Variants in EPHA7 observed in about 807,000 individuals in gnomAD.
The protein encoded by EPHA7 is ephrin type-A receptor 7.
A neutral mutation model predicts 112.6 loss-of-function variants in EPHA7; 25 were observed. That is an observed-to-expected ratio of 0.22 (90% confidence interval 0.16 to 0.31). The LOEUF is 0.31. Ranked by LOEUF, EPHA7 falls within the 10% of genes least tolerant of loss-of-function variation. EPHA7 has a pLI of 1.00. For synonymous variants in EPHA7, 437 were observed against 406.5 expected (o/e 1.07, Z -0.90); for missense variants, 962 against 1,212.6 (o/e 0.79, Z 3.07).
intron 9 of EPHA7, among the ~76,000 whole-genome samples, chr6:93,261,301 G>T (rs757956990): frequency 2.6e-5 from 4 of 151,478 alleles, no homozygotes; most frequent in African/African-American, 9.7e-5. Context: ...TGCTCTAAAA[G>T]CTAGTTAAAT....
chr6:93,312,677 A>G (rs1449848832), intron 5 of EPHA7, among the ~76,000 whole-genome samples: 2 of 152,178 alleles, frequency 1.3e-5, no homozygotes, highest in African/African-American at 2.4e-5. Flanking sequence ...TGAATTCACA[A>G]CTTGGCTAAT....
chr6:93,323,365 T>G (rs1774170918), intron 5 of EPHA7, among the ~76,000 whole-genome samples: 1 of 151,468 alleles, frequency 6.6e-6, no homozygotes, highest in Non-Finnish European at 1.5e-5. Flanking sequence ...ACGAATTCTT[T>G]CCTTCTTTCT....
At chr6:93,246,568 T>G (rs975873984) in intron 15 of EPHA7, among the ~76,000 whole-genome samples, 5 of 152,178 alleles carry the variant, frequency 3.3e-5, no homozygotes, top group African/African-American at 1.2e-4. Context: ...TAGTGATACT[T>G]GTAAGTTTAA....
chr6:93,350,103 G>A (rs915456074), intron 5 of EPHA7, among the ~76,000 whole-genome samples: 4 of 151,916 alleles, frequency 2.6e-5, no homozygotes, highest in South Asian at 2.1e-4. Flanking sequence ...CAGGAAAGTC[G>A]GTCAGTTTAA....
rs1417538286 is a variant in EPHA7 at position 93,411,033 on chromosome 6, T to C, written c.300A>G (p.Val100=). 1.2e-6 allele frequency: 2 copies of C among 1,613,986 alleles called. No homozygotes were observed. Among genetic ancestry groups the C allele is most frequent in the African/African-American group, 1.3e-5 (1 of 74,928 alleles). ...AATCCCTCAGGGTGAATTTCAATTCTACAAAAATCCTTTGTGCATTGCCTT... is the reference window on the plus strand; with the variant it reads ...AATCCCTCAGGGTGAATTTCAATTCCACAAAAATCCTTTGTGCATTGCCTT... ...ISKGNAQRIF[V]ELKFTLRDCN... Residue 100 remains valine (V), a synonymous_variant, in exon 3 of 17, where the codon GTA becomes GTG. Transcript: ENST00000369303.
chr6:93,255,204 C>T (rs7349902), intron 13 of EPHA7, among the ~76,000 whole-genome samples: 67,031 of 151,682 alleles, frequency 0.44, 15,724 homozygotes, highest in South Asian at 0.7. Flanking sequence ...AAAAATTATC[C>T]GTGCGTGGTG....
intron 3 of EPHA7, among the ~76,000 whole-genome samples, chr6:93,380,281 T>C (rs190124779): frequency 2.2e-3 from 330 of 152,026 alleles, no homozygotes; most frequent in Non-Finnish European, 3.8e-3. Flanking sequence ...GAAACGAAAA[T>C]ATAGTTTAAC....
chr6:93,347,939 T>G (rs114394309), intron 5 of EPHA7, among the ~76,000 whole-genome samples: 1 of 151,718 alleles, frequency 6.6e-6, no homozygotes, highest in African/African-American at 2.4e-5. Flanking sequence ...AATTCAAAGA[T>G]CAAATAATTT....
At chr6:93,402,410 G>T (rs1323649483) in intron 3 of EPHA7, among the ~76,000 whole-genome samples, 1 of 151,936 alleles carries the variant, frequency 6.6e-6, no homozygotes, top group Non-Finnish European at 1.5e-5. Context: ...AATTATCTTT[G>T]CAAGGTACAC....
chr6:93,330,925 A>G (rs183034592), intron 5 of EPHA7, among the ~76,000 whole-genome samples: 2 of 151,502 alleles, frequency 1.3e-5, no homozygotes, highest in South Asian at 2.1e-4. Flanking sequence ...TCCTTACTCT[A>G]TAACTGATCT....
At chr6:93,418,055 A>G (rs770377721) in intron 1 of EPHA7, among the ~76,000 whole-genome samples, 5 of 152,142 alleles carry the variant, frequency 3.3e-5, no homozygotes, top group Non-Finnish European at 5.9e-5. Context: ...CCTAAATTTC[A>G]TAACAGATTC....
chr6:93,254,577 C>T (rs1770353816), intron 14 of EPHA7, 70 bp downstream of exon 14: 16 of 1,314,956 alleles, frequency 1.2e-5, no homozygotes, highest in Non-Finnish European at 1.6e-5. Context: ...TGAGCCTTTA[C>T]CTACATGTTC....
chr6:93,412,551 T>A (rs1441092201), intron 2 of EPHA7, among the ~76,000 whole-genome samples: 2 of 152,076 alleles, frequency 1.3e-5, no homozygotes, highest in African/African-American at 4.8e-5. Context: ...CATTTTAATG[T>A]TCAGCTTTTA....
intron 9 of EPHA7, chr6:93,260,408 G>T (rs345728): frequency 0.01 from 4,926 of 473,402 alleles, 219 homozygotes; most frequent in African/African-American, 0.098. Context: ...AAATCTATTT[G>T]GTAAAAGACA....
intron 5 of EPHA7, among the ~76,000 whole-genome samples, chr6:93,348,909 GA>G (rs1775549132): frequency 6.7e-6 from 1 of 149,052 alleles, no homozygotes. Context: ...AGCCTAAGAG[GA>G]AAGATAAACT....
rs533215280 is a variant in EPHA7, at chr6:93,241,747, G to C, written c.*1679C>G. The C allele has an allele frequency of 1.0e-4, 23 of 221,732 alleles. No individual in the cohort carries two copies. The South Asian group carries it at 4.2e-3, about 41-fold the overall frequency. 13.7% of individuals were successfully genotyped at this position (221,732 alleles called of 1,614,324 possible). A position where few individuals can be genotyped will look rare whatever the true frequency, so the allele number is the denominator to read the frequency against. On this transcript the variant is annotated 3_prime_UTR_variant, in exon 17 of 17. Coordinates refer to ENST00000369303, the MANE Select transcript of EPHA7 (RefSeq NM_004440.4). ...CTGAAAATACCTGTTCTTTTGTGAT[G>C]CTCTGCAAGTAAAATAGAAAAATAT...
At chr6:93,275,162 G>A (rs1035972069) in intron 5 of EPHA7, among the ~76,000 whole-genome samples, 1 of 151,610 alleles carries the variant, frequency 6.6e-6, no homozygotes, top group Admixed American at 6.6e-5. Context: ...ATATACAAAT[G>A]AATATACAAA....
In EPHA7 at chr6:93,317,382, A is replaced by T. The variant is rs1293635013; in HGVS notation, c.1324+39335T>A. 7.2e-5 allele frequency among the ~76,000 whole-genome samples: 11 copies of T among 152,306 alleles called. No homozygotes were observed. In the East Asian group the frequency reaches 2.1e-3, roughly 29 times the overall value. On this transcript the variant is annotated intron_variant, in intron 5 of 16. Transcript: ENST00000369303. ...GGCAGTAGAAACTAGCTGAGAAAAA[A>T]CAGTTCTTCAACAAGTAAAGGTACT...
At chr6:93,323,428 A>G (rs369890705) in intron 5 of EPHA7, among the ~76,000 whole-genome samples, 89 of 151,614 alleles carry the variant, frequency 5.9e-4, no homozygotes, top group African/African-American at 2.1e-3. Context: ...TAGCTCAAGA[A>G]ACCAAAATAA....
Sources: gnomAD v4.1 joint callset for allele counts (sites outside exome capture counted in the v4.1 genomes callset) on GRCh38, gnomAD v4.1.1 for gene constraint, MANE v1.5 for transcripts, NCBI Gene and HGNC (gene_info 2026-07-23, HGNC 2026-07-21) for gene names.